ERLEC1: variants seen among roughly 807,000 people sequenced by gnomAD.
ERLEC1 encodes the protein endoplasmic reticulum lectin 1.
Under a neutral mutation model 68.0 loss-of-function variants are expected in ERLEC1, and 47 were observed. The ratio of observed to expected loss-of-function variants is 0.69; its 90% CI spans 0.55 to 0.88. The LOEUF is 0.88. Ranked by LOEUF, ERLEC1 falls within the 40% of genes least tolerant of loss-of-function variation. The pLI is 0.00. For missense variants in ERLEC1, 567 were observed against 583.8 expected, an observed-to-expected ratio of 0.97 and a Z score of 0.30; for synonymous variants, 225 against 203.2, an observed-to-expected ratio of 1.11 and a Z score of -0.91.
rs185137311 is a variant in ERLEC1 at position 53,817,524 on chromosome 2, A to G, written c.1381-374A>G. On this transcript the variant is annotated intron_variant, in intron 13 of 13. Transcript: ENST00000185150. ...TTTAGTATAATTATTATAACATTTG[A>G]TAATTTCAACATCTGTTCCATCTTT... Among the ~76,000 whole-genome samples the G allele has an allele frequency of 4.6e-3, 694 of 152,216 alleles. 5 individuals are homozygous for G. Among genetic ancestry groups the G allele is most frequent in the Middle Eastern group, 0.034 (10 of 292 alleles).
chr2:53,805,518 G>A (rs761162800), intron 8 of ERLEC1, among the ~76,000 whole-genome samples: 5 of 152,072 alleles, frequency 3.3e-5, no homozygotes, highest in Admixed American at 1.3e-4. Flanking sequence ...GCAGCTGGAC[G>A]ACCCTACATT....
In ERLEC1 at chr2:53,813,015, G is replaced by A; in HGVS notation, c.1168G>A (p.Ala390Thr). ...TWNQEEHIEW[A>T]KKNTARAYHL... The stretch of plus-strand genomic sequence containing the variant: ...GAACCAAGAAGAGCATATTGAATGG[G>A]CTAAGAAGAATACTGCTAGAGCTTA... The change falls in exon 11 of 14, where the codon GCT becomes ACT. Residue 390 changes from alanine to threonine, a missense_variant. By Grantham distance (58) the Ala-to-Thr change is moderately conservative. Transcript: ENST00000185150. The A allele has an allele frequency of 6.2e-7, 1 of 1,613,862 alleles. No homozygotes were observed. The highest frequency in any genetic ancestry group is 8.5e-7 in the Non-Finnish European group (1 of 1,179,928).
intron 1 of ERLEC1, among the ~76,000 whole-genome samples, chr2:53,790,490 G>T (rs906903659): frequency 6.6e-6 from 1 of 152,166 alleles, no homozygotes; most frequent in Admixed American, 6.5e-5. Flanking sequence ...GAAGAGACTG[G>T]ATTAGAAGAT....
chr2:53,803,974 C>CA (rs1676141955), intron 8 of ERLEC1, among the ~76,000 whole-genome samples: 1 of 151,864 alleles, frequency 6.6e-6, no homozygotes, highest in Non-Finnish European at 1.5e-5. Context: ...ACTAAAAATA[C>CA]AAAAAAATTA....
chr2:53,804,599 A>G lies in ERLEC1; in HGVS notation c.879+2757A>G, dbSNP rs1023194550. 3.7e-4 allele frequency among the ~76,000 whole-genome samples: 57 copies of G among 152,166 alleles called. 1 individual carries two copies. Among genetic ancestry groups the G allele is most frequent in the Admixed American group, 2.3e-3 (35 of 15,266 alleles). ...CCGGGTACATGAGATATTTTGATAC[A>G]GATATGCAGTGCATAATAATCACAT... On this transcript the variant is annotated intron_variant, in intron 8 of 13. Coordinates refer to ENST00000185150, the MANE Select transcript of ERLEC1 (RefSeq NM_015701.5).
At chr2:53,806,974 A>C (rs1427891242) in intron 8 of ERLEC1, among the ~76,000 whole-genome samples, 1 of 152,024 alleles carries the variant, frequency 6.6e-6, no homozygotes, top group Non-Finnish European at 1.5e-5. Flanking sequence ...GATTCTCTTC[A>C]TCTCTCACCT....
chr2:53,801,871 T>C (rs376272972), intron 8 of ERLEC1, 29 bp downstream of exon 8: 14 of 1,583,842 alleles, frequency 8.8e-6, no homozygotes, highest in Non-Finnish European at 1.2e-5. Flanking sequence ...GATAGCTTTT[T>C]GGTGCTTCAT....
chr2:53,793,496 A>G (rs1001040513), intron 1 of ERLEC1, among the ~76,000 whole-genome samples: 2 of 152,222 alleles, frequency 1.3e-5, no homozygotes, highest in African/African-American at 4.8e-5. Context: ...CGCAACAGAG[A>G]CCATATGGCT....
intron 8 of ERLEC1, among the ~76,000 whole-genome samples, chr2:53,802,965 AAC>A (rs1332596230): frequency 6.6e-6 from 1 of 152,106 alleles, no homozygotes; most frequent in African/African-American, 2.4e-5. Context: ...TCTGCTCATG[AAC>A]TTCTACTTAG....
chr2:53,801,393 T>A lies in ERLEC1; in HGVS notation c.526-4T>A. 1 of 1,611,060 alleles carries A rather than the reference T, an allele frequency of 6.2e-7. No homozygotes were observed. Among genetic ancestry groups the A allele is most frequent in the African/African-American group, 1.3e-5 (1 of 74,926 alleles). ...AAGTCTGTCTTATACTCTTTTTTTT[T>A]AAGATTCCCACTAAAAATATCGAAG... On this transcript the variant is annotated splice_region_variant and splice_polypyrimidine_tract_variant and intron_variant, in intron 6 of 13. Coordinates refer to ENST00000185150, the MANE Select transcript of ERLEC1 (RefSeq NM_015701.5).
At chr2:53,812,306 A>G (rs908865025) in intron 10 of ERLEC1, among the ~76,000 whole-genome samples, 1 of 152,182 alleles carries the variant, frequency 6.6e-6, no homozygotes, top group African/African-American at 2.4e-5. Context: ...AAGGAATGCA[A>G]GGAGGTAGGA....
chr2:53,795,251 A>C (rs1434912888), intron 2 of ERLEC1, among the ~76,000 whole-genome samples: 1 of 152,222 alleles, frequency 6.6e-6, no homozygotes. Flanking sequence ...CCTAGGAGCC[A>C]GGAGGCTGAG....
Position 53,799,660 on chromosome 2 carries a change from A to G in ERLEC1, c.525+579A>G, listed in dbSNP as rs115379862. Among the ~76,000 whole-genome samples, 327 of 152,296 alleles carry G rather than the reference A, an allele frequency of 2.1e-3. 1 individual carries two copies. Among genetic ancestry groups the G allele is most frequent in the African/African-American group, 7.7e-3 (320 of 41,590 alleles). On this transcript the variant is annotated intron_variant, in intron 6 of 13. Coordinates refer to ENST00000185150, the MANE Select transcript of ERLEC1 (RefSeq NM_015701.5). ...ATTTTTAAATCCCAAAAATTTTTAT[A>G]GAGTTTTTAAAAATAACTTATTAAT...
rs541894247 is a variant in ERLEC1, at chr2:53,803,866, C to T, written c.879+2024C>T. ...TAGCATAGGCCAGGCACATGGCCCA[C>T]GCCTATAATTCCAGCACTTTGGGAG... On this transcript the variant is annotated intron_variant, in intron 8 of 13. Coordinates refer to ENST00000185150, the MANE Select transcript of ERLEC1 (RefSeq NM_015701.5). Among the ~76,000 whole-genome samples, 16 of 151,806 alleles carry T rather than the reference C, an allele frequency of 1.1e-4. 1 individual carries two copies. Among genetic ancestry groups the T allele is most frequent in the African/African-American group, 2.7e-4 (11 of 41,396 alleles).
Position 53,787,059 on chromosome 2 carries a change from G to C in ERLEC1, c.-152G>C, listed in dbSNP as rs887507208. The stretch of plus-strand genomic sequence containing the variant: ...TCAAGGGGGCGGAGGCGGCGTTGCC[G>C]GGCTCTCCGGAAGGAGACGTGGCGG... On this transcript the variant is annotated 5_prime_UTR_variant, in exon 1 of 14. Transcript: ENST00000185150. The C allele has an allele frequency of 5.4e-6, 6 of 1,102,600 alleles. No individual in the cohort carries two copies. The highest frequency in any genetic ancestry group is 3.1e-5 in the Admixed American group (1 of 32,464). 68.3% of individuals were successfully genotyped at this position (1,102,600 alleles called of 1,614,324 possible).
intron 1 of ERLEC1, among the ~76,000 whole-genome samples, chr2:53,792,869 G>T (rs1246197923): frequency 6.6e-6 from 1 of 152,026 alleles, no homozygotes; most frequent in East Asian, 1.9e-4. Flanking sequence ...AATTACCGGG[G>T]CATGGTGGCA....
intron 2 of ERLEC1, 29 bp from the exon 3 acceptor site, chr2:53,795,904 G>C: frequency 2.8e-6 from 4 of 1,445,596 alleles, no homozygotes; most frequent in Non-Finnish European, 3.8e-6. Flanking sequence ...TAGAAAAACT[G>C]TAAGTATTAA....
chr2:53,800,519 A>G (rs984176900), intron 6 of ERLEC1, among the ~76,000 whole-genome samples: 3 of 152,132 alleles, frequency 2.0e-5, no homozygotes, highest in African/African-American at 4.8e-5. Flanking sequence ...TCACATACAT[A>G]TAAGGAAATC....
intron 13 of ERLEC1, 147 bp from the exon 14 acceptor site, chr2:53,817,751 C>T (rs1676979030): frequency 5.2e-6 from 3 of 577,322 alleles, no homozygotes; most frequent in Non-Finnish European, 9.4e-6. Context: ...TTTCAAGAAG[C>T]TTAATTTGTA....
Sources: allele counts gnomAD v4.1 joint callset (sites outside exome capture counted in the v4.1 genomes callset), GRCh38; gene constraint gnomAD v4.1.1; transcripts MANE v1.5; gene names NCBI Gene and HGNC (gene_info 2026-07-23, HGNC 2026-07-21).